PRKG2: variants seen among roughly 807,000 people sequenced by gnomAD.
PRKG2 encodes the protein cGMP-dependent protein kinase 2.
Under a neutral mutation model 97.2 loss-of-function variants are expected in PRKG2, and 33 were observed. That is an observed-to-expected ratio of 0.34 (90% CI 0.26 to 0.45). The LOEUF (loss-of-function observed/expected upper bound fraction) is 0.45. PRKG2 is among the 20% of genes least tolerant of loss of function. The pLI is 1.00. For synonymous variants in PRKG2, 330 were observed against 321.8 expected (o/e 1.03, Z -0.27); for missense variants, 638 against 900.0 (o/e 0.71, Z 3.73).
chr4:81,159,842 A>C (rs1749455009), intron 6 of PRKG2, among the ~76,000 whole-genome samples: 1 of 151,690 alleles, frequency 6.6e-6, no homozygotes, highest in African/African-American at 2.4e-5. Flanking sequence ...CATCATTCTC[A>C]GTAAACTATT....
At chr4:81,150,766 T>A (rs1475979221) in intron 8 of PRKG2, among the ~76,000 whole-genome samples, 1 of 152,154 alleles carries the variant, frequency 6.6e-6, no homozygotes, top group Non-Finnish European at 1.5e-5. Flanking sequence ...TGAGAAAATC[T>A]GTAAGCGTTA....
rs17005058 is a variant in PRKG2, at chr4:81,109,925, C to G, written c.1940+523G>C. On this transcript the variant is annotated intron_variant, in intron 15 of 18. Coordinates refer to ENST00000264399, the MANE Select transcript of PRKG2 (RefSeq NM_006259.3). The stretch of plus-strand genomic sequence containing the variant: ...TGCTAAAACCCCTGCAGTGTCTTGT[C>G]TCTGTTCATTAGCACCTCTAGAAAG... 7.2e-3 allele frequency among the ~76,000 whole-genome samples: 1,096 copies of G among 152,244 alleles called. 17 individuals are homozygous for G. The highest frequency in any genetic ancestry group is 0.025 in the African/African-American group (1,040 of 41,540).
chr4:81,182,175 T>G (rs1045249038), intron 2 of PRKG2, among the ~76,000 whole-genome samples: 1 of 151,538 alleles, frequency 6.6e-6, no homozygotes, highest in Admixed American at 6.6e-5. Flanking sequence ...AAATATAATA[T>G]CCCTAATGAA....
At chr4:81,108,422 G>A (rs1186225206) in intron 15 of PRKG2, among the ~76,000 whole-genome samples, 5 of 150,400 alleles carry the variant, frequency 3.3e-5, no homozygotes, top group East Asian at 3.9e-4. Context: ...AATGAGGCAG[G>A]AAACCAAAAA....
chr4:81,173,668 C>A (rs1479338556), intron 3 of PRKG2: 1 of 151,974 alleles, frequency 6.6e-6, no homozygotes, highest in East Asian at 1.9e-4. Context: ...AAATAATAAT[C>A]ATAAAATTGG....
chr4:81,190,647 G>A (rs1344737379), intron 2 of PRKG2, among the ~76,000 whole-genome samples: 3 of 152,114 alleles, frequency 2.0e-5, no homozygotes, highest in African/African-American at 4.8e-5. Flanking sequence ...AGAATGAACA[G>A]GCAACCTACA....
At chr4:81,193,682 A>G (rs1016006215) in intron 2 of PRKG2, among the ~76,000 whole-genome samples, 1 of 152,060 alleles carries the variant, frequency 6.6e-6, no homozygotes, top group Non-Finnish European at 1.5e-5. Flanking sequence ...TCTACTAAAA[A>G]TACAAAAATT....
intron 6 of PRKG2, among the ~76,000 whole-genome samples, chr4:81,156,002 T>C (rs928073073): frequency 6.7e-6 from 1 of 150,014 alleles, no homozygotes; most frequent in African/African-American, 2.5e-5. Context: ...CCATCGAGAC[T>C]AGGAAGAAAC....
upstream of PRKG2, among the ~76,000 whole-genome samples, chr4:81,217,049 ATATATGTG>A (rs1318461937): frequency 6.4e-5 from 9 of 141,674 alleles, 1 homozygote; most frequent in African/African-American, 2.5e-4. Context: ...ATATATATAT[ATATATGTG>A]TATATATATA....
chr4:81,197,902 T>C (rs1753061125), intron 2 of PRKG2, among the ~76,000 whole-genome samples: 1 of 152,350 alleles, frequency 6.6e-6, no homozygotes, highest in Admixed American at 6.5e-5. Context: ...ATTGGATGTA[T>C]TAATCTGAAG....
chr4:81,148,969 G>A lies in PRKG2; in HGVS notation c.1086-17C>T. 6.2e-7 allele frequency: 1 copy of A among 1,610,128 alleles called. No homozygotes were observed. The highest frequency in any genetic ancestry group is 8.5e-7 in the Non-Finnish European group (1 of 1,176,644). On this transcript the variant is annotated splice_polypyrimidine_tract_variant and intron_variant, in intron 8 of 18. Coordinates refer to ENST00000264399, the MANE Select transcript of PRKG2 (RefSeq NM_006259.3). ...ACATCATCACTGCAAACAAAAATAG[G>A]AAAGTCAATTTTCACTATAATTAGA...
chr4:81,144,332 T>G lies in PRKG2; in HGVS notation c.1155-2A>C. ...GTACCGACAGTTTGGTTGAATGTTCTAAATAGATAGAATAAAGTAAAATGC... is the reference window on the plus strand; with the variant it reads ...GTACCGACAGTTTGGTTGAATGTTCGAAATAGATAGAATAAAGTAAAATGC... On this transcript the variant is annotated splice_acceptor_variant, in intron 9 of 18. Coordinates refer to ENST00000264399, the MANE Select transcript of PRKG2 (RefSeq NM_006259.3). LOFTEE classifies it high-confidence loss of function. 2 of 1,600,094 alleles carry G rather than the reference T, an allele frequency of 1.2e-6. No homozygotes were observed. The highest frequency in any genetic ancestry group is 1.7e-6 in the Non-Finnish European group (2 of 1,167,714).
intron 6 of PRKG2, among the ~76,000 whole-genome samples, chr4:81,159,600 T>C (rs912971914): frequency 6.6e-6 from 1 of 152,102 alleles, no homozygotes; most frequent in African/African-American, 2.4e-5. Flanking sequence ...CCAGCCATCC[T>C]ATTACTGTGT....
chr4:81,140,412 TA>T, intron 12 of PRKG2, 120 bp downstream of exon 12: 1 of 838,980 alleles, frequency 1.2e-6, no homozygotes, highest in African/African-American at 1.7e-5. Flanking sequence ...ATGTACCCCA[TA>T]AATATATATG....
At chr4:81,146,846 C>T (rs1560578070) in intron 9 of PRKG2, among the ~76,000 whole-genome samples, 4 of 152,122 alleles carry the variant, frequency 2.6e-5, no homozygotes, top group Admixed American at 6.6e-5. Flanking sequence ...GGATCTTATT[C>T]TAGTCTATAA....
At chr4:81,145,487 C>T (rs1402959887) in intron 9 of PRKG2, among the ~76,000 whole-genome samples, 3 of 152,120 alleles carry the variant, frequency 2.0e-5, no homozygotes, top group Admixed American at 6.6e-5. Context: ...TTTAGTAGTT[C>T]TCTGAGGATC....
intron 5 of PRKG2, among the ~76,000 whole-genome samples, chr4:81,168,050 T>A (rs1578457689): frequency 1.3e-5 from 2 of 150,776 alleles, no homozygotes; most frequent in African/African-American, 4.9e-5. Context: ...ATAAAAAAAA[T>A]ACTGTATATT....
intron 2 of PRKG2, among the ~76,000 whole-genome samples, chr4:81,189,066 T>TAAAATAAAAAAA (rs1752192390): frequency 1.8e-4 from 3 of 17,054 alleles, no homozygotes; most frequent in African/African-American, 8.0e-4. Flanking sequence ...AAAAAAATAA[T>TAAAATAAAAAAA]AAAAAAAAAA....
intron 13 of PRKG2, among the ~76,000 whole-genome samples, chr4:81,136,457 T>A (rs995657508): frequency 2.0e-5 from 3 of 152,200 alleles, no homozygotes; most frequent in Non-Finnish European, 4.4e-5. Flanking sequence ...TGTAAATATG[T>A]GGCCTTGCAT....
Sources: allele counts gnomAD v4.1 joint callset (sites outside exome capture counted in the v4.1 genomes callset), GRCh38; gene constraint gnomAD v4.1.1; transcripts MANE v1.5; gene names NCBI Gene and HGNC (gene_info 2026-07-23, HGNC 2026-07-21).